SOX6: variants seen among roughly 807,000 people sequenced by gnomAD.
SOX6 encodes transcription factor SOX-6.
In SOX6, 11 loss-of-function variants were observed where a neutral mutation model predicts 97.8. The observed-to-expected ratio is 0.11, with a 90% confidence interval of 0.07 to 0.19. The LOEUF is 0.19. Among genes scored for constraint, SOX6 ranks in the 10% least tolerant of loss-of-function variants. The pLI, the probability that SOX6 is intolerant of heterozygous loss-of-function variation, is 1.00. For synonymous variants in SOX6, 360 were observed against 371.4 expected, an observed-to-expected ratio of 0.97 and a Z score of 0.35; for missense variants, 810 against 1,039.5, an observed-to-expected ratio of 0.78 and a Z score of 3.04.
chr11:16,005,250 G>A (rs1200516268), intron 13 of SOX6, among the ~76,000 whole-genome samples: 1 of 151,768 alleles, frequency 6.6e-6, no homozygotes, highest in East Asian at 1.9e-4. Context: ...CTTCCCAAAT[G>A]CTAAAAATAT....
At chr11:16,196,976 G>C in intron 4 of SOX6, among the ~76,000 whole-genome samples, 1 of 151,784 alleles carries the variant, frequency 6.6e-6, no homozygotes, top group East Asian at 1.9e-4. Context: ...TGGAACTACA[G>C]GTGCCTGCCA....
At chr11:16,180,405 C>T (rs1406042778) in intron 6 of SOX6, among the ~76,000 whole-genome samples, 1 of 151,668 alleles carries the variant, frequency 6.6e-6, no homozygotes, top group Non-Finnish European at 1.5e-5. Context: ...ATTCCCAACT[C>T]CAAAGATCCA....
intron 6 of SOX6, among the ~76,000 whole-genome samples, chr11:16,156,014 T>C (rs1850586698): frequency 6.6e-6 from 1 of 151,986 alleles, no homozygotes; most frequent in Non-Finnish European, 1.5e-5. Flanking sequence ...CTGAGTTCAG[T>C]GTGTAAAGGG....
intron 4 of SOX6, among the ~76,000 whole-genome samples, chr11:16,222,190 C>CT (rs779812662): frequency 6.6e-6 from 1 of 152,100 alleles, no homozygotes; most frequent in Non-Finnish European, 1.5e-5. Context: ...ACCAATGCCA[C>CT]TCTTCTCACT....
intron 1 of SOX6, among the ~76,000 whole-genome samples, chr11:16,346,821 G>GA (rs948480062): frequency 6.6e-6 from 1 of 152,018 alleles, no homozygotes; most frequent in African/African-American, 2.4e-5. Flanking sequence ...TGAAGCCCTT[G>GA]AAGTGTGTCT....
chr11:16,075,830 A>C (rs944885288), intron 9 of SOX6, among the ~76,000 whole-genome samples: 12 of 152,182 alleles, frequency 7.9e-5, no homozygotes, highest in African/African-American at 2.9e-4. Flanking sequence ...AAATTCAAAA[A>C]AAGGAACAAA....
intron 4 of SOX6, among the ~76,000 whole-genome samples, chr11:16,225,071 G>A (rs886777171): frequency 4.6e-5 from 7 of 151,990 alleles, no homozygotes; most frequent in African/African-American, 1.7e-4. Context: ...AAAAACATCT[G>A]TTGTGACAAT....
At chr11:16,537,430 GC>G (rs144937022) in intron 4 of SOX6, among the ~76,000 whole-genome samples, 2,137 of 152,266 alleles carry the variant, frequency 0.014, 43 homozygotes, top group East Asian at 0.052. Context: ...CCAAAGGATT[GC>G]AGCTTCTTGT....
At chr11:16,405,936 C>T (rs1858676685) in intron 1 of SOX6, among the ~76,000 whole-genome samples, 1 of 152,018 alleles carries the variant, frequency 6.6e-6, no homozygotes, top group Non-Finnish European at 1.5e-5. Context: ...GTCAAAATTG[C>T]TCTCGACAAA....
At chr11:16,679,364 C>T (rs529739637) in intron 3 of SOX6, among the ~76,000 whole-genome samples, 2 of 152,326 alleles carry the variant, frequency 1.3e-5, no homozygotes, top group East Asian at 3.9e-4. Context: ...AACAGACCTT[C>T]AGCTGATGGG....
chr11:16,086,845 C>T (rs1038364123), intron 9 of SOX6, among the ~76,000 whole-genome samples: 13 of 152,164 alleles, frequency 8.5e-5, no homozygotes, highest in Admixed American at 1.3e-4. Flanking sequence ...TTGAAAAATA[C>T]GTGAACTCTT....
At chr11:16,132,179 G>A (rs1249615994) in intron 6 of SOX6, among the ~76,000 whole-genome samples, 3 of 148,614 alleles carry the variant, frequency 2.0e-5, no homozygotes, top group Non-Finnish European at 4.4e-5. Flanking sequence ...CAGAATTCAA[G>A]CCTATATCTA....
intron 15 of SOX6, among the ~76,000 whole-genome samples, chr11:15,984,255 A>G (rs1171650251): frequency 6.6e-6 from 1 of 152,218 alleles, no homozygotes; most frequent in Non-Finnish European, 1.5e-5. Context: ...AGCTGTTTTA[A>G]TGTACCCTTT....
intron 3 of SOX6, among the ~76,000 whole-genome samples, chr11:16,238,988 A>G (rs186406910): frequency 1.4e-3 from 218 of 152,246 alleles, no homozygotes; most frequent in African/African-American, 4.7e-3. Context: ...TAACTTATCA[A>G]AAGTATCCAT....
chr11:16,175,381 G>A lies in SOX6; in HGVS notation c.777+8505C>T, dbSNP rs557019034. On this transcript the variant is annotated intron_variant, in intron 6 of 15. Transcript: ENST00000683767. ...GTATTGTAATTATCTTTAGGAATTAGGAAATACAGGCTGAGAGACATTAAG... is the reference window on the plus strand; with the variant it reads ...GTATTGTAATTATCTTTAGGAATTAAGAAATACAGGCTGAGAGACATTAAG... Among the ~76,000 whole-genome samples the A allele has an allele frequency of 1.0e-4, 13 of 124,922 alleles. No individual in the cohort carries two copies. In the South Asian group the frequency reaches 2.8e-3, roughly 27 times the overall value. The allele number at this position is 124,922 out of a possible 152,430, so 82.0% of individuals were successfully genotyped here.
intron 4 of SOX6, among the ~76,000 whole-genome samples, chr11:16,581,960 C>CAAAAAAAA (rs35137027): frequency 9.4e-6 from 1 of 106,500 alleles, no homozygotes. Context: ...GACTCCATCT[C>CAAAAAAAA]AAAAAAAAAA....
At chr11:16,450,933 T>G (rs1859703726) in intron 1 of SOX6, among the ~76,000 whole-genome samples, 2 of 152,282 alleles carry the variant, frequency 1.3e-5, no homozygotes, top group Admixed American at 1.3e-4. Context: ...AAAATTTACT[T>G]GTTTAATGAT....
At chr11:15,988,058 C>G (rs1012409158) in intron 14 of SOX6, among the ~76,000 whole-genome samples, 1 of 152,130 alleles carries the variant, frequency 6.6e-6, no homozygotes, top group African/African-American at 2.4e-5. Context: ...ATATTTATTA[C>G]TTTTGAACAA....
chr11:16,437,402 A>G (rs1859400642), intron 1 of SOX6, among the ~76,000 whole-genome samples: 1 of 152,092 alleles, frequency 6.6e-6, no homozygotes, highest in South Asian at 2.1e-4. Context: ...ACCCCACTAG[A>G]TTGTGAGCTC....
Sources: gnomAD v4.1 joint callset for allele counts (sites outside exome capture counted in the v4.1 genomes callset) on GRCh38, gnomAD v4.1.1 for gene constraint, MANE v1.5 for transcripts, NCBI Gene and HGNC (gene_info 2026-07-23, HGNC 2026-07-21) for gene names.